The following COCH variants were observed in gnomAD, a reference collection of about 807,000 sequenced individuals.
COCH encodes cochlin.
Under a neutral mutation model 54.8 loss-of-function variants are expected in COCH, and 40 were observed. The observed-to-expected ratio is 0.73, with a 90% CI of 0.57 to 0.95. COCH has a LOEUF of 0.95. Ranked by LOEUF, COCH falls within the 40% of genes least tolerant of loss-of-function variation. COCH has a pLI of 0.00. For missense variants in COCH, 605 were observed against 675.0 expected (o/e 0.90, Z 1.15); for synonymous variants, 256 against 237.9 (o/e 1.08, Z -0.70).
downstream of COCH, chr14:30,890,627 A>G (rs1895949755): frequency 1.2e-5 from 11 of 948,890 alleles, no homozygotes; most frequent in Non-Finnish European, 1.4e-5. Context: ...AAGCTGGCTT[A>G]CTTTTATTAC....
chr14:30,884,639 G>A lies in COCH; in HGVS notation c.716G>A (p.Gly239Glu), dbSNP rs1217792358. The A allele has an allele frequency of 3.7e-6, 6 of 1,611,718 alleles. No homozygotes were observed. In the Admixed American group the frequency reaches 6.7e-5, roughly 18 times the overall value. Residue 239 changes from glycine to glutamate, a missense_variant, in exon 9 of 12, where the codon GGG becomes GAG. Coordinates refer to ENST00000396618, the MANE Select transcript of COCH (RefSeq NM_004086.3). ...GCCATAAAGGAAGTAGGTTTCAGAG[G>A]GGGTAATTCCAATACAGGTAAGTAG... Reference protein sequence around the residue: ...LFAIKEVGFRGGNSNTGKALK... With the variant: ...LFAIKEVGFREGNSNTGKALK...
chr14:30,890,349 G>A lies in COCH; in HGVS notation c.*558G>A. The A allele has an allele frequency of 2.0e-6, 2 of 985,476 alleles. No individual in the cohort carries two copies. The highest frequency in any genetic ancestry group is 4.7e-5 in the South Asian group (1 of 21,280). 61.0% of individuals were successfully genotyped at this position (985,476 alleles called of 1,614,324 possible). On this transcript the variant is annotated 3_prime_UTR_variant, in exon 12 of 12. Transcript: ENST00000396618. ...AGACCTGTATCAAACTGCTTTTGTA[G>A]TGTGTTTTCATAACAACTTATGACT...
rs770829573 is a variant in COCH, at chr14:30,877,505, A to G, written c.83-67A>G. 2 of 1,583,640 alleles carry G rather than the reference A, an allele frequency of 1.3e-6. No homozygotes were observed. The highest frequency in any genetic ancestry group is 8.6e-7 in the Non-Finnish European group (1 of 1,158,742). On this transcript the variant is annotated intron_variant, in intron 3 of 11. Coordinates refer to ENST00000396618, the MANE Select transcript of COCH (RefSeq NM_004086.3). The surrounding 1 kb of genome is among the most constrained non-coding windows in gnomAD (Gnocchi z 8.6). ...AAGTAAAACTTAAATCTCACACTGT[A>G]GTCTCCCCACCACTATGCCCCAAGA...
At chr14:30,891,384 T>A (rs539419428), downstream of COCH, among the ~76,000 whole-genome samples, 2 of 152,190 alleles carry the variant, frequency 1.3e-5, no homozygotes, top group African/African-American at 4.8e-5. Context: ...GTTAACTGGT[T>A]AGAATAATAT....
chr14:30,879,940 G>C (rs1456814527), intron 6 of COCH, among the ~76,000 whole-genome samples: 1 of 152,138 alleles, frequency 6.6e-6, no homozygotes. Flanking sequence ...AGGGATTACA[G>C]GCATGAGCCA....
chr14:30,875,091 A>C lies in COCH; in HGVS notation c.70A>C (p.Ser24Arg). 6.3e-7 allele frequency: 1 copy of C among 1,578,098 alleles called. No homozygotes were observed. The highest frequency in any genetic ancestry group is 1.1e-5 in the South Asian group (1 of 87,558). Reference protein sequence around the residue: ...CLLLLPGPAGSEGAAPIAITC... With the variant: ...CLLLLPGPAGREGAAPIAITC... ...GCTGCTGCTGCCGGGGCCCGCGGGC[A>C]GCGAGGGAGCCGGTGAGTGGGGGAG... Residue 24 changes from serine (S) to arginine (R), a missense_variant, in exon 3 of 12, where the codon AGC (serine) becomes CGC (arginine). By Grantham distance (110) the Ser-to-Arg change is moderately radical. Coordinates refer to ENST00000396618, the MANE Select transcript of COCH (RefSeq NM_004086.3).
At chr14:30,890,643 G>C, downstream of COCH, 3 of 881,974 alleles carry the variant, frequency 3.4e-6, no homozygotes, top group Non-Finnish European at 2.7e-6. Flanking sequence ...ATTACTGCTA[G>C]TGTCTCCCCT....
downstream of COCH, among the ~76,000 whole-genome samples, chr14:30,893,376 T>TCTCCTGAC (rs1896041010): frequency 6.6e-6 from 1 of 151,770 alleles, no homozygotes; most frequent in Admixed American, 6.6e-5. Flanking sequence ...ATGGTCTTGA[T>TCTCCTGAC]CTCCTGACCT....
chr14:30,886,025 T>C lies in COCH; in HGVS notation c.1190T>C (p.Phe397Ser). 6.2e-7 allele frequency: 1 copy of C among 1,614,218 alleles called. No individual in the cohort carries two copies. The highest frequency in any genetic ancestry group is 1.3e-5 in the African/African-American group (1 of 75,058). ...TTTGTTTCCAACATAGCCAAGACTT[T>C]TGAAATCTCGGACATTGGTGCCAAG... ...LEFVSNIAKT[F>S]EISDIGAKIA... is the part of the protein sequence containing the mutation. The change falls in exon 11 of 12, where the codon TTT becomes TCT. Residue 397 changes from phenylalanine to serine, a missense_variant. Phe to Ser is a radical substitution (Grantham distance 155). Coordinates refer to ENST00000396618, the MANE Select transcript of COCH (RefSeq NM_004086.3).
chr14:30,877,767 C>A lies in COCH; in HGVS notation c.239+39C>A. 1 of 1,613,328 alleles carries A rather than the reference C, an allele frequency of 6.2e-7. No homozygotes were observed. The highest frequency in any genetic ancestry group is 1.1e-5 in the South Asian group (1 of 91,044). Reference sequence around the variant, plus strand: ...CACCAGGGTGGGAGAGAAATGCAGACGTGATTATTTCCTTTCCTGCTTTAC... The same window carrying A: ...CACCAGGGTGGGAGAGAAATGCAGAAGTGATTATTTCCTTTCCTGCTTTAC... On this transcript the variant is annotated intron_variant, in intron 4 of 11. Transcript: ENST00000396618. The surrounding 1 kb of genome is among the most constrained non-coding windows in gnomAD (Gnocchi z 8.6).
At chr14:30,881,163 C>T (rs1027983331) in intron 8 of COCH, among the ~76,000 whole-genome samples, 4 of 145,968 alleles carry the variant, frequency 2.7e-5, no homozygotes, top group Non-Finnish European at 4.4e-5. Context: ...TACAATGAGC[C>T]GAGATTGCAC....
rs748340001 is a variant in COCH, at chr14:30,874,912, C to T, written c.-23-4C>T. ...GCCTTGCCCGCATTCTCCCTCTCTC[C>T]CAGGTGTGAGCAGCCTATCAGTCAC... On this transcript the variant is annotated splice_polypyrimidine_tract_variant and splice_region_variant and intron_variant, in intron 1 of 11. Coordinates refer to ENST00000396618, the MANE Select transcript of COCH (RefSeq NM_004086.3). 10 of 1,613,278 alleles carry T rather than the reference C, an allele frequency of 6.2e-6. No individual in the cohort carries two copies. The highest frequency in any genetic ancestry group is 2.2e-5 in the East Asian group (1 of 44,862).
chr14:30,890,423 T>C lies in COCH; in HGVS notation c.*632T>C. On this transcript the variant is annotated 3_prime_UTR_variant, in exon 12 of 12. Coordinates refer to ENST00000396618, the MANE Select transcript of COCH (RefSeq NM_004086.3). ...AGCAGGATTGCCAGGTATTTTTCTA[T>C]TTCTCTCCTTAATTTTATATGTATA... The C allele has an allele frequency of 2.1e-6, 2 of 975,046 alleles. No homozygotes were observed. Among genetic ancestry groups the C allele is most frequent in the South Asian group, 4.8e-5 (1 of 21,052 alleles). 60.4% of individuals were successfully genotyped at this position (975,046 alleles called of 1,614,324 possible).
intron 8 of COCH, 180 bp from the exon 9 acceptor site, chr14:30,884,373 A>C: frequency 5.1e-6 from 3 of 593,812 alleles, no homozygotes. Context: ...TATTTGTTAC[A>C]CCTCTGAAAT....
At chr14:30,884,694 A>T (rs1431578331) in intron 9 of COCH, 38 bp downstream of exon 9, 2 of 1,448,524 alleles carry the variant, frequency 1.4e-6, no homozygotes, top group African/African-American at 2.8e-5. Flanking sequence ...AACATAGGAG[A>T]GGGTTATCAG....
downstream of COCH, chr14:30,893,736 T>C (rs1896054495): frequency 6.6e-6 from 1 of 152,562 alleles, no homozygotes. Context: ...TCTACTCTTA[T>C]TAGAATATCA....
At chr14:30,892,595 C>T (rs181526688), downstream of COCH, among the ~76,000 whole-genome samples, 25 of 152,142 alleles carry the variant, frequency 1.6e-4, no homozygotes, top group East Asian at 4.6e-3. Flanking sequence ...CCTGAGGTGA[C>T]TCAGGAGTTT....
chr14:30,875,850 C>T (rs1402557503), intron 3 of COCH: 1 of 152,352 alleles, frequency 6.6e-6, no homozygotes, highest in African/African-American at 2.4e-5. Flanking sequence ...GGTCTTGGCA[C>T]CGGATTCCGA....
At chr14:30,893,145 C>T (rs1315734629), downstream of COCH, among the ~76,000 whole-genome samples, 1 of 94,500 alleles carries the variant, frequency 1.1e-5, no homozygotes, top group Non-Finnish European at 2.5e-5. Context: ...CGGCAAAAAC[C>T]ACAATTTTTT....
Sources: allele counts gnomAD v4.1 joint callset (sites outside exome capture counted in the v4.1 genomes callset), GRCh38; gene constraint gnomAD v4.1.1; non-coding constraint Gnocchi (gnomAD v3.1); transcripts MANE v1.5; gene names NCBI Gene and HGNC (gene_info 2026-07-23, HGNC 2026-07-21).